SORCS2: variants seen among roughly 807,000 people sequenced by gnomAD.
The protein encoded by SORCS2 is sortilin related VPS10 domain containing receptor 2.
In SORCS2, 100 loss-of-function variants were observed where a neutral mutation model predicts 141.6. That is an observed-to-expected ratio of 0.71 (90% CI 0.60 to 0.83). The LOEUF (loss-of-function observed/expected upper bound fraction) is 0.83, where lower values mean the gene tolerates loss of function less well. SORCS2 is among the 40% of genes least tolerant of loss of function. The probability of loss-of-function intolerance (pLI) is 0.00; values close to 1 mark genes in which losing one functional copy is unlikely to be tolerated. For synonymous variants in SORCS2, 789 were observed against 676.9 expected (o/e 1.17, Z -2.57); for missense variants, 1,646 against 1,560.2 (o/e 1.05, Z -0.93).
intron 1 of SORCS2, among the ~76,000 whole-genome samples, chr4:7,355,020 G>GA (rs11369235): frequency 0.23 from 33,948 of 150,652 alleles, 4,157 homozygotes; most frequent in East Asian, 0.46. Flanking sequence ...TACATACACA[G>GA]AAAAAAAAAC....
intron 5 of SORCS2, among the ~76,000 whole-genome samples, chr4:7,658,496 A>G (rs896897900): frequency 3.3e-5 from 5 of 151,956 alleles, no homozygotes; most frequent in Middle Eastern, 3.2e-3. Flanking sequence ...CAGGCCTGAG[A>G]CCTCCTTTCC....
At chr4:7,500,552 T>C (rs1413661507) in intron 2 of SORCS2, among the ~76,000 whole-genome samples, 2 of 147,850 alleles carry the variant, frequency 1.4e-5, no homozygotes, top group Admixed American at 6.6e-5. Context: ...ACAGAGGATG[T>C]CAGTGTGCCG....
At chr4:7,195,248 G>A (rs1248378391) in intron 1 of SORCS2, among the ~76,000 whole-genome samples, 4 of 152,088 alleles carry the variant, frequency 2.6e-5, no homozygotes. Flanking sequence ...TCTTTAGTGA[G>A]GACAGCAAGT....
chr4:7,617,534 A>G (rs577012692), intron 3 of SORCS2, among the ~76,000 whole-genome samples: 2 of 152,252 alleles, frequency 1.3e-5, no homozygotes, highest in East Asian at 3.9e-4. Context: ...TGAAACTACT[A>G]TCCTGACGTA....
intron 1 of SORCS2, among the ~76,000 whole-genome samples, chr4:7,213,981 T>C (rs1002688052): frequency 7.9e-5 from 12 of 152,088 alleles, no homozygotes; most frequent in African/African-American, 2.9e-4. Context: ...TGGGTACAGG[T>C]TGGGTCAGCT....
intron 5 of SORCS2, among the ~76,000 whole-genome samples, chr4:7,656,918 ACACT>A (rs1225119825): frequency 6.6e-6 from 1 of 152,082 alleles, no homozygotes; most frequent in Non-Finnish European, 1.5e-5. Context: ...CCTCCCCAAA[ACACT>A]CACTCCCTGA....
chr4:7,343,377 A>C (rs1720472253), intron 1 of SORCS2, among the ~76,000 whole-genome samples: 1 of 152,232 alleles, frequency 6.6e-6, no homozygotes, highest in Non-Finnish European at 1.5e-5. Flanking sequence ...GGCAAAGCCG[A>C]TGACATGTCT....
chr4:7,391,709 C>A (rs1177333172), intron 1 of SORCS2, among the ~76,000 whole-genome samples: 3 of 152,196 alleles, frequency 2.0e-5, no homozygotes, highest in Non-Finnish European at 4.4e-5. Context: ...CAGGGTCTGT[C>A]CCCGCCAAAC....
At chr4:7,606,828 C>CA (rs1718094202) in intron 3 of SORCS2, among the ~76,000 whole-genome samples, 2 of 152,106 alleles carry the variant, frequency 1.3e-5, no homozygotes, top group South Asian at 4.1e-4. Flanking sequence ...AGGGGTAGCA[C>CA]ATGCGGGCAG....
At chr4:7,203,077 C>G (rs1727560292) in intron 1 of SORCS2, among the ~76,000 whole-genome samples, 1 of 152,176 alleles carries the variant, frequency 6.6e-6, no homozygotes, top group Non-Finnish European at 1.5e-5. Context: ...AGTCACACAG[C>G]TAGTGAGGAT....
chr4:7,654,236 T>A, intron 5 of SORCS2, 29 bp downstream of exon 5: 2 of 1,557,970 alleles, frequency 1.3e-6, no homozygotes, highest in Non-Finnish European at 1.7e-6. Flanking sequence ...CCCAAACCCA[T>A]GGGGCCCGCA....
intron 1 of SORCS2, among the ~76,000 whole-genome samples, chr4:7,385,693 G>A (rs777621848): frequency 4.6e-5 from 7 of 152,198 alleles, no homozygotes; most frequent in East Asian, 1.9e-4. Context: ...AGCCACCACC[G>A]TTCCCATGTG....
At chr4:7,609,412 C>A (rs974970681) in intron 3 of SORCS2, among the ~76,000 whole-genome samples, 1 of 152,210 alleles carries the variant, frequency 6.6e-6, no homozygotes, top group Non-Finnish European at 1.5e-5. Flanking sequence ...CAAGGCGCCT[C>A]TATACAGCCC....
chr4:7,676,666 A>C (rs1473496696), intron 9 of SORCS2, among the ~76,000 whole-genome samples: 6 of 115,518 alleles, frequency 5.2e-5, no homozygotes, highest in African/African-American at 1.0e-4. Context: ...TCTCTACCCC[A>C]GCCCCTTCGT....
rs1553889520 is a variant in SORCS2 at position 7,193,683 on chromosome 4, C to CTA, written c.480+557_480+558insTA. ...CTCCCCGGGGTACTCTAGTGCGACC[C>CTA]GCGGCTGTCTTGAGCTCTTGCTGCC... On this transcript the variant is annotated intron_variant, in intron 1 of 26. Transcript: ENST00000507866. This position sits in a 1 kb window ranked among gnomAD's most constrained non-coding sequence, Gnocchi z 4.8. Among the ~76,000 whole-genome samples the CTA allele has an allele frequency of 5.9e-5, 9 of 152,182 alleles. No individual in the cohort carries two copies. Among genetic ancestry groups the CTA allele is most frequent in the Non-Finnish European group, 1.3e-4 (9 of 68,026 alleles).
chr4:7,637,606 G>T (rs561442215), intron 3 of SORCS2, among the ~76,000 whole-genome samples: 5 of 152,354 alleles, frequency 3.3e-5, no homozygotes, highest in African/African-American at 1.2e-4. Flanking sequence ...GAATGGCTAT[G>T]ATTAGCACTG....
intron 3 of SORCS2, among the ~76,000 whole-genome samples, chr4:7,593,919 C>T (rs888084215): frequency 6.6e-6 from 1 of 152,196 alleles, no homozygotes; most frequent in African/African-American, 2.4e-5. Context: ...AACCAAAGTG[C>T]TCTTGTTATG....
At chr4:7,374,347 G>A (rs964154472) in intron 1 of SORCS2, among the ~76,000 whole-genome samples, 2 of 152,122 alleles carry the variant, frequency 1.3e-5, no homozygotes, top group East Asian at 1.9e-4. Flanking sequence ...TCCCCCATGT[G>A]AGAGAGGGAG....
At chr4:7,510,725 G>A (rs112026741) in intron 2 of SORCS2, among the ~76,000 whole-genome samples, 1 of 148,560 alleles carries the variant, frequency 6.7e-6, no homozygotes, top group Admixed American at 6.6e-5. Flanking sequence ...ATGCGACCCC[G>A]GGGCCTGGGC....
Sources: gnomAD v4.1 joint callset for allele counts (sites outside exome capture counted in the v4.1 genomes callset) on GRCh38, gnomAD v4.1.1 for gene constraint, Gnocchi (gnomAD v3.1) non-coding constraint, MANE v1.5 for transcripts, NCBI Gene and HGNC (gene_info 2026-07-23, HGNC 2026-07-21) for gene names.